The following TLCD4 variants were observed in gnomAD, a reference collection of about 807,000 sequenced individuals.
TLCD4 encodes TLC domain-containing protein 4.
A neutral mutation model predicts 24.2 loss-of-function variants in TLCD4; 7 were observed. That is an observed-to-expected ratio of 0.29 (90% CI 0.16 to 0.54). The LOEUF is 0.54. Among genes scored for constraint, TLCD4 ranks in the 20% least tolerant of loss-of-function variants. The pLI is 0.95. For synonymous variants in TLCD4, 103 were observed against 106.4 expected (o/e 0.97, Z 0.20); for missense variants, 259 against 313.9 (o/e 0.82, Z 1.32).
At position 95,168,872 on chromosome 1, in the gene TLCD4, G is replaced by T. The variant is rs112912419; in HGVS notation, c.400-4944G>T. On this transcript the variant is annotated intron_variant, in intron 5 of 6. Coordinates refer to ENST00000370203, the MANE Select transcript of TLCD4 (RefSeq NM_152487.3). ...TAAGGAACAGGAAATGTAGATATTTGCAAGGAGCTAAGTACTCTCACAGAT... is the reference window on the plus strand; with the variant it reads ...TAAGGAACAGGAAATGTAGATATTTTCAAGGAGCTAAGTACTCTCACAGAT... Among the ~76,000 whole-genome samples, 44 of 152,306 alleles carry T rather than the reference G, an allele frequency of 2.9e-4. 3 individuals carry two copies. The highest frequency in any genetic ancestry group is 1.1e-3 in the African/African-American group (44 of 41,552).
chr1:95,195,757 T>C lies in TLCD4; in HGVS notation c.*3889T>C, dbSNP rs1466430929. 1 of 152,160 alleles carries C rather than the reference T, an allele frequency of 6.6e-6. No individual in the cohort carries two copies. The highest frequency in any genetic ancestry group is 1.5e-5 in the Non-Finnish European group (1 of 68,022). The allele number at this position is 152,160 out of a possible 1,614,324, so 9.4% of individuals were successfully genotyped here. A position where few individuals can be genotyped will look rare whatever the true frequency, so the allele number is the denominator to read the frequency against. ...ACACATGTGAGGTGTGTAGGAACAA[T>C]GAAAAGCTAGAGGATCTGGAGTTAG... On this transcript the variant is annotated 3_prime_UTR_variant, in exon 7 of 7. Transcript: ENST00000370203.
At position 95,194,184 on chromosome 1, in the gene TLCD4, G is replaced by A. The variant is rs1679116730; in HGVS notation, c.*2316G>A. The A allele has an allele frequency of 6.6e-6, 1 of 152,016 alleles. No homozygotes were observed. Among genetic ancestry groups the A allele is most frequent in the African/African-American group, 2.4e-5 (1 of 41,400 alleles). The allele number at this position is 152,016 out of a possible 1,614,324, so 9.4% of individuals were successfully genotyped here. ...AGTATATTTAAAACATCAAAATTTT[G>A]AACTAAAGTTTGTGATTCTCTTATT... On this transcript the variant is annotated 3_prime_UTR_variant, in exon 7 of 7. Transcript: ENST00000370203.
At chr1:95,128,850 A>G (rs547427322) in intron 1 of TLCD4, among the ~76,000 whole-genome samples, 1 of 152,344 alleles carries the variant, frequency 6.6e-6, no homozygotes, top group Admixed American at 6.5e-5. Context: ...GGCATTTAGT[A>G]TAGGATGTAC....
chr1:95,096,700 C>T, the TLCD4 span, among the ~76,000 whole-genome samples: 365 of 152,276 alleles, frequency 2.4e-3, 3 homozygotes, highest in African/African-American at 8.3e-3. Context: ...CTCTGGCCCC[C>T]GCTAATGGGT....
the TLCD4 span, among the ~76,000 whole-genome samples, chr1:95,097,394 T>A: frequency 1.3e-5 from 2 of 152,262 alleles, no homozygotes; most frequent in African/African-American, 4.8e-5. Flanking sequence ...TGACTCAAGA[T>A]GTTTTCCTCT....
In TLCD4 at chr1:95,196,466, C is replaced by A. The variant is rs1437535925; in HGVS notation, c.*4598C>A. On this transcript the variant is annotated 3_prime_UTR_variant, in exon 7 of 7. Transcript: ENST00000370203. ...CAACATCCAAGGCTTGAACCTTACC[C>A]GTTTCTAGGCCAGACTAGGCCAGCC... 6.6e-6 allele frequency: 1 copy of A among 152,202 alleles called. No homozygotes were observed. Among genetic ancestry groups the A allele is most frequent in the South Asian group, 2.1e-4 (1 of 4,832 alleles). The allele number at this position is 152,202 out of a possible 1,614,324, so 9.4% of individuals were successfully genotyped here.
At chr1:95,139,295 T>G (rs1677134027) in intron 1 of TLCD4, among the ~76,000 whole-genome samples, 1 of 150,220 alleles carries the variant, frequency 6.7e-6, no homozygotes, top group Non-Finnish European at 1.5e-5. Flanking sequence ...GAGTGGTGAG[T>G]GAAAGTGGAG....
intron 3 of TLCD4, among the ~76,000 whole-genome samples, chr1:95,149,979 A>G (rs1265322843): frequency 6.6e-6 from 1 of 152,156 alleles, no homozygotes; most frequent in Non-Finnish European, 1.5e-5. Flanking sequence ...CTATCTTACT[A>G]TGTAAGATAA....
intron 5 of TLCD4, among the ~76,000 whole-genome samples, chr1:95,158,188 C>CTT (rs5776255): frequency 1.3e-3 from 172 of 128,770 alleles, no homozygotes; most frequent in East Asian, 3.5e-3. Context: ...TTAATTTTTT[C>CTT]TTTTTTTTTT....
At chr1:95,096,219 G>C in the TLCD4 span, among the ~76,000 whole-genome samples, 9 of 152,332 alleles carry the variant, frequency 5.9e-5, no homozygotes, top group East Asian at 1.7e-3. Flanking sequence ...ACAACAACTG[G>C]AGAACAGAAA....
chr1:95,093,617 A>G, the TLCD4 span, among the ~76,000 whole-genome samples: 2 of 152,316 alleles, frequency 1.3e-5, no homozygotes, highest in South Asian at 4.1e-4. Flanking sequence ...GATTGACTAT[A>G]TCTCTTTGTT....
intron 6 of TLCD4, among the ~76,000 whole-genome samples, chr1:95,190,950 T>A (rs970129504): frequency 3.9e-5 from 6 of 152,208 alleles, no homozygotes; most frequent in African/African-American, 1.4e-4. Context: ...ACAGTGTCTT[T>A]CGCAGAGCAA....
chr1:95,112,199 T>C, the TLCD4 span, among the ~76,000 whole-genome samples: 3 of 152,122 alleles, frequency 2.0e-5, no homozygotes, highest in African/African-American at 7.2e-5. Flanking sequence ...ACGTGTCTCC[T>C]GGGGCAGGGG....
chr1:95,156,702 T>A (rs1004299154), intron 5 of TLCD4, among the ~76,000 whole-genome samples: 1 of 151,982 alleles, frequency 6.6e-6, no homozygotes, highest in Non-Finnish European at 1.5e-5. Flanking sequence ...CATTTTGCAG[T>A]GAGTAGAGCA....
chr1:95,156,255 G>A (rs1677633472), intron 5 of TLCD4, among the ~76,000 whole-genome samples: 1 of 152,072 alleles, frequency 6.6e-6, no homozygotes, highest in Non-Finnish European at 1.5e-5. Context: ...GCATATTTAG[G>A]TTGGAAAAAA....
Position 95,197,064 on chromosome 1 carries a change from T to C in TLCD4, c.*5196T>C, listed in dbSNP as rs1679226658. 6.6e-6 allele frequency: 1 copy of C among 152,186 alleles called. No individual in the cohort carries two copies. Among genetic ancestry groups the C allele is most frequent in the African/African-American group, 2.4e-5 (1 of 41,456 alleles). The allele number at this position is 152,186 out of a possible 1,614,324, so 9.4% of individuals were successfully genotyped here. ...TGATATATATAGATACATAGATATA[T>C]ACTTTTTTCTGAGAATGTATAATAT... On this transcript the variant is annotated 3_prime_UTR_variant, in exon 7 of 7. Coordinates refer to ENST00000370203, the MANE Select transcript of TLCD4 (RefSeq NM_152487.3).
At chr1:95,135,452 A>G (rs1185253732) in intron 1 of TLCD4, among the ~76,000 whole-genome samples, 1 of 147,208 alleles carries the variant, frequency 6.8e-6, no homozygotes, top group African/African-American at 2.6e-5. Context: ...GCTGGAGTAC[A>G]GTGGCATGAT....
chr1:95,113,646 C>T (rs1431578340), upstream of TLCD4, among the ~76,000 whole-genome samples: 2 of 152,084 alleles, frequency 1.3e-5, no homozygotes, highest in Non-Finnish European at 2.9e-5. Flanking sequence ...TGATTTTTCA[C>T]TTATGTGTGT....
chr1:95,128,943 CG>C (rs1676814832), intron 1 of TLCD4, among the ~76,000 whole-genome samples: 1 of 152,148 alleles, frequency 6.6e-6, no homozygotes, highest in African/African-American at 2.4e-5. Flanking sequence ...ACTGTCAGAT[CG>C]GTTTTCTGAG....
Sources: allele counts gnomAD v4.1 joint callset (sites outside exome capture counted in the v4.1 genomes callset), GRCh38; gene constraint gnomAD v4.1.1; transcripts MANE v1.5; gene names NCBI Gene and HGNC (gene_info 2026-07-23, HGNC 2026-07-21).